TTC17: variants seen among roughly 807,000 people sequenced by gnomAD.
TTC17 encodes tetratricopeptide repeat domain 17.
TTC17 carries 58 observed loss-of-function variants against 143.8 expected under a neutral mutation model. That is an observed-to-expected ratio of 0.40 (90% CI 0.33 to 0.50). TTC17 has a LOEUF of 0.50. Among genes scored for constraint, TTC17 ranks in the 20% least tolerant of loss-of-function variants. The probability of loss-of-function intolerance (pLI) is 0.49; values close to 1 mark genes in which losing one functional copy is unlikely to be tolerated. For synonymous variants in TTC17, 501 were observed against 497.8 expected (o/e 1.01, Z -0.09); for missense variants, 1,273 against 1,392.5 (o/e 0.91, Z 1.37).
At chr11:43,406,102 C>G (rs749260529) in intron 13 of TTC17, 151 bp downstream of exon 13, 1 of 1,013,772 alleles carries the variant, frequency 9.9e-7, no homozygotes, top group African/African-American at 1.6e-5. Flanking sequence ...GAAATGATGG[C>G]GAAGTCAGTC....
intron 2 of TTC17, chr11:43,385,654 A>T (rs1301744001): frequency 6.6e-6 from 1 of 150,638 alleles, no homozygotes; most frequent in Admixed American, 6.6e-5. Context: ...AAGCGGGAAG[A>T]TTGCTCGAGC....
intron 16 of TTC17, among the ~76,000 whole-genome samples, chr11:43,427,725 A>T (rs747082530): frequency 2.0e-5 from 3 of 152,158 alleles, no homozygotes; most frequent in Admixed American, 6.6e-5. Context: ...GTGACTTGCC[A>T]TGGTAGTTAT....
At chr11:43,451,336 T>G (rs1342954535) in intron 21 of TTC17, 71 bp downstream of exon 21, 1 of 1,404,882 alleles carries the variant, frequency 7.1e-7, no homozygotes, top group African/African-American at 1.4e-5. Context: ...TATTTGCTCC[T>G]AAGTGTCTGT....
chr11:43,445,989 A>G (rs191805523), intron 18 of TTC17: 2 of 1,530,062 alleles, frequency 1.3e-6, no homozygotes, highest in East Asian at 2.4e-5. Flanking sequence ...GGATTTCAGC[A>G]AGGCATTTAA....
Position 43,389,712 on chromosome 11 carries a change from G to A in TTC17, c.310G>A (p.Glu104Lys). Residue 104 changes from glutamate to lysine, a missense_variant, in exon 3 of 24, where the codon GAA becomes AAA. Glu to Lys is a moderately conservative substitution (Grantham distance 56, BLOSUM62 1). Coordinates refer to ENST00000039989, the MANE Select transcript of TTC17 (RefSeq NM_018259.6). The part of the protein sequence containing the change: ...EENEDRDTGL[E>K]QRHNKEDPDC... ...GAATGAGGACAGAGACACAGGACTG[G>A]AACAGAGACATAATAAAGAAGACCC... 2 of 1,613,898 alleles carry A rather than the reference G, an allele frequency of 1.2e-6. No individual in the cohort carries two copies. Among genetic ancestry groups the A allele is most frequent in the Non-Finnish European group, 1.7e-6 (2 of 1,179,840 alleles).
At chr11:43,472,314 G>A (rs950861096) in intron 21 of TTC17, among the ~76,000 whole-genome samples, 8 of 152,140 alleles carry the variant, frequency 5.3e-5, no homozygotes, top group Admixed American at 5.2e-4. Flanking sequence ...TTTCCCTCCA[G>A]CCTGGGTGAC....
chr11:43,395,139 C>T lies in TTC17; in HGVS notation c.664-1570C>T, dbSNP rs186425088. Among the ~76,000 whole-genome samples, 156 of 139,016 alleles carry T rather than the reference C, an allele frequency of 1.1e-3. 2 individuals carry two copies. The East Asian group carries it at 0.012, about 10-fold the overall frequency. The allele number at this position is 139,016 out of a possible 152,430, so 91.2% of individuals were successfully genotyped here. On this transcript the variant is annotated intron_variant, in intron 5 of 23. Coordinates refer to ENST00000039989, the MANE Select transcript of TTC17 (RefSeq NM_018259.6). ...TTTTTGAGATGGAGTCTCACTCTGT[C>T]GCCCAGGCTGGAGTGCAGTGGCGCA...
At chr11:43,444,443 G>T (rs1947494130) in intron 18 of TTC17, 2 of 319,244 alleles carry the variant, frequency 6.3e-6, no homozygotes, top group Non-Finnish European at 1.1e-5. Flanking sequence ...CATAAAGGAA[G>T]AAAAATTAGG....
chr11:43,429,103 T>A (rs1947094699), intron 16 of TTC17, among the ~76,000 whole-genome samples: 2 of 152,210 alleles, frequency 1.3e-5, no homozygotes, highest in Non-Finnish European at 2.9e-5. Flanking sequence ...GCATCTTCAT[T>A]TGTCTCAGGT....
chr11:43,446,341 A>C, intron 18 of TTC17: 1 of 301,628 alleles, frequency 3.3e-6, no homozygotes, highest in Non-Finnish European at 5.3e-6. Context: ...CAATTGTTCT[A>C]TATCTTCGCT....
intron 1 of TTC17, among the ~76,000 whole-genome samples, chr11:43,366,888 A>G (rs974789970): frequency 1.2e-4 from 18 of 152,094 alleles, no homozygotes; most frequent in African/African-American, 3.6e-4. Context: ...GGGCCTTTGC[A>G]TATGTTGTTC....
intron 16 of TTC17, among the ~76,000 whole-genome samples, chr11:43,424,643 G>T (rs973149029): frequency 3.9e-5 from 6 of 151,974 alleles, no homozygotes; most frequent in African/African-American, 1.4e-4. Flanking sequence ...GGTGGTGCAT[G>T]CCTGTAATCC....
intron 1 of TTC17, 71 bp downstream of exon 1, chr11:43,359,184 G>T: frequency 6.9e-7 from 1 of 1,452,412 alleles, no homozygotes; most frequent in Non-Finnish European, 9.1e-7. Context: ...CTTGGCCCCT[G>T]GCTGTTGGGC....
intron 1 of TTC17, among the ~76,000 whole-genome samples, chr11:43,368,464 C>G (rs541939356): frequency 6.6e-6 from 1 of 151,270 alleles, no homozygotes; most frequent in African/African-American, 2.5e-5. Context: ...CTTCTTGACT[C>G]TTTCTCATAT....
intron 16 of TTC17, among the ~76,000 whole-genome samples, chr11:43,441,045 G>A (rs1039586420): frequency 1.3e-5 from 2 of 151,200 alleles, no homozygotes; most frequent in African/African-American, 2.5e-5. Flanking sequence ...TGAGGTGGGC[G>A]GATCACCTGA....
chr11:43,449,513 A>G (rs1590441193), intron 19 of TTC17: 1 of 152,406 alleles, frequency 6.6e-6, no homozygotes, highest in Middle Eastern at 3.4e-3. Context: ...TGAATCACTC[A>G]CAAGAGAATG....
intron 16 of TTC17, chr11:43,435,112 T>C (rs1175498805): frequency 6.6e-6 from 1 of 152,040 alleles, no homozygotes; most frequent in Non-Finnish European, 1.5e-5. Flanking sequence ...GATAGATAGA[T>C]AGATAGATAG....
At chr11:43,444,239 C>G in intron 18 of TTC17, 30 bp downstream of exon 18, 1 of 1,578,100 alleles carries the variant, frequency 6.3e-7, no homozygotes, top group African/African-American at 1.4e-5. Context: ...ATGCCAGTTT[C>G]TTGTTTTAGA....
rs575797589 is a variant in TTC17, at chr11:43,372,648, G to A, written c.160-6585G>A. 9.6e-4 allele frequency among the ~76,000 whole-genome samples: 146 copies of A among 151,936 alleles called. 1 individual carries two copies. The highest frequency in any genetic ancestry group is 3.1e-3 in the African/African-American group (130 of 41,446). On this transcript the variant is annotated intron_variant, in intron 1 of 23. Coordinates refer to ENST00000039989, the MANE Select transcript of TTC17 (RefSeq NM_018259.6). The stretch of plus-strand genomic sequence containing the variant: ...TGGGATTATAAGCATGTGCCACTAC[G>A]CCTGGCTAATTTTTGTAATTTTAAT...
Sources: gnomAD v4.1 joint callset for allele counts (sites outside exome capture counted in the v4.1 genomes callset) on GRCh38, gnomAD v4.1.1 for gene constraint, MANE v1.5 for transcripts, NCBI Gene and HGNC (gene_info 2026-07-23, HGNC 2026-07-21) for gene names.